FLG2: variants seen among roughly 807,000 people sequenced by gnomAD.
FLG2 encodes filaggrin-2.
A neutral mutation model predicts 3.9 loss-of-function variants in FLG2; 7 were observed. The ratio of observed to expected loss-of-function variants is 1.79; its 90% confidence interval spans 1.02 to 3.36. FLG2 has a LOEUF of 3.36. Among genes scored for constraint, FLG2 ranks in the 30% most tolerant of loss-of-function variants. The probability of loss-of-function intolerance (pLI) is 0.00; values close to 1 mark genes in which losing one functional copy is unlikely to be tolerated. For missense variants in FLG2, 2,700 were observed against 2,809.4 expected (o/e 0.96, Z 0.88); for synonymous variants, 1,031 against 1,056.1 (o/e 0.98, Z 0.46).
chr1:152,355,341 A>G lies in FLG2; in HGVS notation c.2445T>C (p.Gly815=). 1 of 1,613,660 alleles carries G rather than the reference A, an allele frequency of 6.2e-7. No homozygotes were observed. Among genetic ancestry groups the G allele is most frequent in the Non-Finnish European group, 8.5e-7 (1 of 1,179,872 alleles). The change falls in exon 3 of 3, where the codon GGT becomes GGC. Residue 815 remains glycine, a synonymous_variant. Transcript: ENST00000388718. ...CATGTTGTCCAAAGCCAGCGGACTG[A>G]CCTGAGCCTGATCCATATTGGCCAA... ...TGFGQYGSGS[G]QSAGFGQHGS... is the part of the protein sequence containing the mutation.
chr1:152,352,562 G>A lies in FLG2; in HGVS notation c.5224C>T (p.His1742Tyr). The change falls in exon 3 of 3, where the codon CAT (histidine) becomes TAT (tyrosine). Residue 1742 changes from histidine to tyrosine, a missense_variant. His to Tyr is a moderately conservative substitution (Grantham distance 83). Coordinates refer to ENST00000388718, the MANE Select transcript of FLG2 (RefSeq NM_001014342.3). Reference sequence around the variant, plus strand: ...CCATGAGTGTGTCCTGAATGTGTATGTGAGACTCCTGAGTACCCTTCACTG... The same window carrying A: ...CCATGAGTGTGTCCTGAATGTGTATATGAGACTCCTGAGTACCCTTCACTG... ...SDSEGYSGVS[H>Y]THSGHTHGQA... 6.2e-7 allele frequency: 1 copy of A among 1,613,838 alleles called. No homozygotes were observed. The highest frequency in any genetic ancestry group is 1.1e-5 in the South Asian group (1 of 91,046).
chr1:152,358,848 C>G lies in FLG2; in HGVS notation c.37G>C (p.Asp13His). The G allele has an allele frequency of 6.2e-7, 1 of 1,613,996 alleles. No individual in the cohort carries two copies. Among genetic ancestry groups the G allele is most frequent in the Non-Finnish European group, 8.5e-7 (1 of 1,179,928 alleles). Reference sequence around the variant, plus strand: ...TGCTTGGTGTATTTGTAGAAAACATCAATTACGGTGACAACACTTCTCAAG... The same window carrying G: ...TGCTTGGTGTATTTGTAGAAAACATGAATTACGGTGACAACACTTCTCAAG... Reference protein sequence around the residue: ...DLLRSVVTVIDVFYKYTKQDG... With the variant: ...DLLRSVVTVIHVFYKYTKQDG... The change falls in exon 2 of 3, where the codon GAT becomes CAT. Residue 13 changes from aspartate to histidine, a missense_variant. Physicochemically the swap from Asp to His is moderately conservative, Grantham distance 81 (BLOSUM62 -1). Transcript: ENST00000388718.
rs1654048725 is a variant in FLG2, at chr1:152,353,420, C to G, written c.4366G>C (p.Glu1456Gln). Residue 1456 changes from glutamate to glutamine, a missense_variant, in exon 3 of 3, where the codon GAG (glutamate) becomes CAG (glutamine). Transcript: ENST00000388718. ...THGQAGSQHG[E>Q]SGSTVHGRHG... ...CTCCCATGAACTGTGGATCCTGACT[C>G]TCCATGTTGAGATCCGGCTTGGCCA... The G allele has an allele frequency of 3.7e-6, 6 of 1,612,462 alleles. No individual in the cohort carries two copies. The highest frequency in any genetic ancestry group is 4.2e-6 in the Non-Finnish European group (5 of 1,179,606).
In FLG2 at chr1:152,352,486, T is replaced by A; in HGVS notation, c.5300A>T (p.His1767Leu). ...GESESIVHERHGTIHGQTGDT... is the reference protein window; with the variant it reads ...GESESIVHERLGTIHGQTGDT... ...GCCTGTCTGTCCATGTATAGTTCCA[T>A]GTCTCTCATGAACTATGGATTCTGA... Residue 1767 changes from histidine (H) to leucine (L), a missense_variant, in exon 3 of 3, where the codon CAT (histidine) becomes CTT (leucine). Coordinates refer to ENST00000388718, the MANE Select transcript of FLG2 (RefSeq NM_001014342.3). 6.2e-7 allele frequency: 1 copy of A among 1,613,326 alleles called. No individual in the cohort carries two copies. Among genetic ancestry groups the A allele is most frequent in the Non-Finnish European group, 8.5e-7 (1 of 1,179,742 alleles).
intron 1 of FLG2, among the ~76,000 whole-genome samples, chr1:152,359,181 T>G (rs781178085): frequency 1.3e-5 from 2 of 152,194 alleles, no homozygotes; most frequent in African/African-American, 4.8e-5. Context: ...GTAAGTATAG[T>G]CTCTACATAG....
At position 152,357,264 on chromosome 1, in the gene FLG2, T is replaced by G. The variant is rs768455707; in HGVS notation, c.522A>C (p.Gln174His). ...RQGNLSSSGN[Q>H]EGSQKRYHRS... ...TGTGGTATCTTTTCTGAGATCCCTC[T>G]TGGTTCCCAGAGCTGGATAAATTAC... is the stretch of plus-strand genomic sequence containing the variant. Residue 174 changes from glutamine (Q) to histidine (H), a missense_variant, in exon 3 of 3, where the codon CAA becomes CAC. Transcript: ENST00000388718. The G allele has an allele frequency of 1.2e-6, 2 of 1,614,076 alleles. No individual in the cohort carries two copies. Among genetic ancestry groups the G allele is most frequent in the African/African-American group, 2.7e-5 (2 of 74,940 alleles).
At position 152,350,237 on chromosome 1, in the gene FLG2, C is replaced by G. The variant is rs1369417823; in HGVS notation, c.*373G>C. ...CCTAATTGCTCATGAGTGTCTTTCT[C>G]CCAATCTTCTGAATGCTTTTTGTTA... On this transcript the variant is annotated 3_prime_UTR_variant, in exon 3 of 3. Coordinates refer to ENST00000388718, the MANE Select transcript of FLG2 (RefSeq NM_001014342.3). 4.5e-6 allele frequency: 1 copy of G among 221,336 alleles called. No individual in the cohort carries two copies. The highest frequency in any genetic ancestry group is 2.3e-5 in the African/African-American group (1 of 43,696). 13.7% of individuals were successfully genotyped at this position (221,336 alleles called of 1,614,324 possible).
chr1:152,351,503 A>T lies in FLG2; in HGVS notation c.6283T>A (p.Ser2095Thr), dbSNP rs1161481781. The T allele has an allele frequency of 6.2e-7, 1 of 1,608,068 alleles. No homozygotes were observed. The highest frequency in any genetic ancestry group is 2.2e-5 in the East Asian group (1 of 44,556). Residue 2095 changes from serine to threonine, a missense_variant, in exon 3 of 3, where the codon TCA (serine) becomes ACA (threonine). Coordinates refer to ENST00000388718, the MANE Select transcript of FLG2 (RefSeq NM_001014342.3). ...SGHGQSTQRG[S>T]RTAGRRGSGH... ...GATCCCCTTCTTCCAGCTGTCCTTG[A>T]CCCTCTCTGTGTGGACTGTCCATGA...
In FLG2 at chr1:152,351,217, G is replaced by A. The variant is rs1375121746; in HGVS notation, c.6569C>T (p.Ser2190Leu). ...HSESSDSEVH[S>L]EASPTHSGHT... is the part of the protein sequence containing the mutation. ...TCCTGAATGTGTGGGTGAGGCCTCT[G>A]AGTGCACTTCACTATCACTGGACTC... is the stretch of plus-strand genomic sequence containing the variant. Residue 2190 changes from serine (S) to leucine (L), a missense_variant, in exon 3 of 3, where the codon TCA (serine) becomes TTA (leucine). Coordinates refer to ENST00000388718, the MANE Select transcript of FLG2 (RefSeq NM_001014342.3). The A allele has an allele frequency of 6.2e-7, 1 of 1,613,594 alleles. No homozygotes were observed.
At position 152,350,868 on chromosome 1, in the gene FLG2, T is replaced by C. The variant is rs762212548; in HGVS notation, c.6918A>G (p.Arg2306=). The part of the protein sequence containing the change: ...TTHGQTGDTT[R]HGHSGYGQST... ...ATTGTCCATAACCAGAATGGCCATG[T>C]CTAGTGGTATCTCCTGTCTGTCCAT... Residue 2306 remains arginine (R), a synonymous_variant, in exon 3 of 3, where the codon AGA becomes AGG. Transcript: ENST00000388718. The C allele has an allele frequency of 3.4e-5, 55 of 1,614,064 alleles. No homozygotes were observed. Among genetic ancestry groups the C allele is most frequent in the Non-Finnish European group, 4.4e-5 (52 of 1,180,038 alleles).
At chr1:152,358,949 C>T in intron 1 of FLG2, 43 bp from the exon 2 acceptor site, 25 of 1,494,868 alleles carry the variant, frequency 1.7e-5, no homozygotes, top group Non-Finnish European at 2.0e-5. Flanking sequence ...CATATTCTCT[C>T]CTTTTATCAG....
In FLG2 at chr1:152,353,158, G is replaced by C; in HGVS notation, c.4628C>G (p.Thr1543Ser). The change falls in exon 3 of 3, where the codon ACT becomes AGT. Residue 1543 changes from threonine to serine, a missense_variant. Coordinates refer to ENST00000388718, the MANE Select transcript of FLG2 (RefSeq NM_001014342.3). Reference sequence around the variant, plus strand: ...AGTGGTATCTCCTGTCTGTCCATGAGTAATTCTGTGTCTGTCATGAATTAT... The same window carrying C: ...AGTGGTATCTCCTGTCTGTCCATGACTAATTCTGTGTCTGTCATGAATTAT... ...ESIIHDRHRITHGQTGDTTRH... is the reference protein window; with the variant it reads ...ESIIHDRHRISHGQTGDTTRH... 6.2e-7 allele frequency: 1 copy of C among 1,613,844 alleles called. No individual in the cohort carries two copies.
At position 152,353,241 on chromosome 1, in the gene FLG2, G is replaced by A; in HGVS notation, c.4545C>T (p.His1515=). 6.4e-7 allele frequency: 1 copy of A among 1,567,848 alleles called. No individual in the cohort carries two copies. Among genetic ancestry groups the A allele is most frequent in the Non-Finnish European group, 8.6e-7 (1 of 1,156,228 alleles). The part of the protein sequence containing the change: ...SDSEVHSGGS[H]THSGHTHGQS... ...GGCCGTGAGTGTGTCCTGAATGTGT[G>A]TGCGAGCCCCCTGAGTGCACTTCAC... Residue 1515 remains histidine, a synonymous_variant, in exon 3 of 3, where the codon CAC becomes CAT. Coordinates refer to ENST00000388718, the MANE Select transcript of FLG2 (RefSeq NM_001014342.3).
At position 152,350,815 on chromosome 1, in the gene FLG2, C is replaced by G. The variant is rs142283343; in HGVS notation, c.6971G>C (p.Arg2324Thr). ...ACTATGTGACTGAAAATGACTTGCTCTACTAGATCTGGAACCTGTCTGTGT... is the reference window on the plus strand; with the variant it reads ...ACTATGTGACTGAAAATGACTTGCTGTACTAGATCTGGAACCTGTCTGTGT... ...QSTQTGSRSS[R>T]ASHFQSHSSE... The change falls in exon 3 of 3, where the codon AGA becomes ACA. Residue 2324 changes from arginine to threonine, a missense_variant. By Grantham distance (71) the Arg-to-Thr change is moderately conservative (BLOSUM62 -1). Coordinates refer to ENST00000388718, the MANE Select transcript of FLG2 (RefSeq NM_001014342.3). The G allele has an allele frequency of 1.9e-6, 3 of 1,614,224 alleles. No individual in the cohort carries two copies. Among genetic ancestry groups the G allele is most frequent in the Non-Finnish European group, 2.5e-6 (3 of 1,180,044 alleles).
intron 1 of FLG2, among the ~76,000 whole-genome samples, 170 bp downstream of exon 1, chr1:152,359,786 T>C (rs1252904667): frequency 6.6e-6 from 1 of 151,474 alleles, no homozygotes; most frequent in Non-Finnish European, 1.5e-5. Flanking sequence ...CAGAATAAAC[T>C]AAACTAACCA....
chr1:152,348,995 T>G lies in FLG2; in HGVS notation c.*1615A>C. ...GCTCCTTGGATAGGTTTGTCAATAA[T>G]TAATTAAAACAAAATCTGGAAAATC... On this transcript the variant is annotated 3_prime_UTR_variant, in exon 3 of 3. Transcript: ENST00000388718. The G allele has an allele frequency of 6.6e-6, 1 of 152,186 alleles. No individual in the cohort carries two copies. The highest frequency in any genetic ancestry group is 6.5e-5 in the Admixed American group (1 of 15,284). The allele number at this position is 152,186 out of a possible 1,614,324, so 9.4% of individuals were successfully genotyped here.
chr1:152,350,886 C>T lies in FLG2; in HGVS notation c.6900G>A (p.Gln2300=). 6.2e-7 allele frequency: 1 copy of T among 1,614,072 alleles called. No homozygotes were observed. Residue 2300 remains glutamine (Q), a synonymous_variant, in exon 3 of 3, where the codon CAG becomes CAA. Coordinates refer to ENST00000388718, the MANE Select transcript of FLG2 (RefSeq NM_001014342.3). ...VHGRLETTHG[Q]TGDTTRHGHS... is the part of the protein sequence containing the mutation. Reference sequence around the variant, plus strand: ...GGCCATGTCTAGTGGTATCTCCTGTCTGTCCATGAGTAGTTTCCAGTCTCC... The same window carrying T: ...GGCCATGTCTAGTGGTATCTCCTGTTTGTCCATGAGTAGTTTCCAGTCTCC...
At position 152,353,160 on chromosome 1, in the gene FLG2, A is replaced by C. The variant is rs1654029926; in HGVS notation, c.4626T>G (p.Ile1542Met). 5.0e-6 allele frequency: 8 copies of C among 1,612,950 alleles called. No homozygotes were observed. Among genetic ancestry groups the C allele is most frequent in the Non-Finnish European group, 5.9e-6 (7 of 1,179,852 alleles). The change falls in exon 3 of 3, where the codon ATT (isoleucine) becomes ATG (methionine). Residue 1542 changes from isoleucine to methionine, a missense_variant. By Grantham distance (10) the Ile-to-Met change is conservative (BLOSUM62 1). Transcript: ENST00000388718. ...SESIIHDRHR[I>M]THGQTGDTTR... is the part of the protein sequence containing the mutation. Reference sequence around the variant, plus strand: ...TGGTATCTCCTGTCTGTCCATGAGTAATTCTGTGTCTGTCATGAATTATGG... The same window carrying C: ...TGGTATCTCCTGTCTGTCCATGAGTCATTCTGTGTCTGTCATGAATTATGG...
At position 152,353,221 on chromosome 1, in the gene FLG2, TG is replaced by T. The variant is rs528795062; in HGVS notation, c.4564del (p.His1522ThrfsTer14). 415 of 1,568,346 alleles carry T rather than the reference TG, an allele frequency of 2.6e-4. 8 individuals are homozygous for T. In the South Asian group the frequency reaches 4.8e-3, roughly 18 times the overall value. On this transcript the variant is annotated frameshift_variant, in exon 3 of 3. Coordinates refer to ENST00000388718, the MANE Select transcript of FLG2 (RefSeq NM_001014342.3). LOFTEE classifies it low-confidence loss of function (END_TRUNC). ...TCCATGTTGAGATCCACTTTGGCCGTGAGTGTGTCCTGAATGTGTGTGCGAG... is the reference window on the plus strand; with the variant it reads ...TCCATGTTGAGATCCACTTTGGCCGTAGTGTGTCCTGAATGTGTGTGCGAG... ...GGSHTHSGHT[H>X]GQSGSQHGES... is the part of the protein sequence containing the mutation.
Sources: allele counts gnomAD v4.1 joint callset (sites outside exome capture counted in the v4.1 genomes callset), GRCh38; gene constraint gnomAD v4.1.1; transcripts MANE v1.5; gene names NCBI Gene and HGNC (gene_info 2026-07-23, HGNC 2026-07-21).